RFFL: variants seen among roughly 807,000 people sequenced by gnomAD.
RFFL encodes E3 ubiquitin-protein ligase rififylin.
A neutral mutation model predicts 40.4 loss-of-function variants in RFFL; 16 were observed. The ratio of observed to expected loss-of-function variants is 0.40; its 90% CI spans 0.27 to 0.60. RFFL has a LOEUF of 0.60. RFFL is among the 20% of genes least tolerant of loss of function. RFFL has a pLI of 0.47. For synonymous variants in RFFL, 154 were observed against 167.9 expected, an observed-to-expected ratio of 0.92 and a Z score of 0.64; for missense variants, 367 against 451.7, an observed-to-expected ratio of 0.81 and a Z score of 1.70.
chr17:35,029,140 GAGGAACTTAGTTCCC>G (rs1430178253), intron 1 of RFFL, among the ~76,000 whole-genome samples: 3 of 151,990 alleles, frequency 2.0e-5, no homozygotes, highest in South Asian at 2.1e-4. Flanking sequence ...GTTCCCAGGA[GAGGAACTTAGTTCCC>G]AGGAACTTAA....
upstream of RFFL, among the ~76,000 whole-genome samples, chr17:35,064,892 T>C (rs777539574): frequency 4.6e-5 from 7 of 152,222 alleles, no homozygotes; most frequent in South Asian, 2.1e-4. Flanking sequence ...AAGTTATTTA[T>C]CCAACTCACT....
upstream of RFFL, among the ~76,000 whole-genome samples, chr17:35,064,596 T>C (rs941870111): frequency 6.6e-6 from 1 of 152,114 alleles, no homozygotes; most frequent in Non-Finnish European, 1.5e-5. Context: ...TGTGCTTTAA[T>C]TTGACAAGAG....
rs537968582 is a variant in RFFL at position 35,058,544 on chromosome 17, G to A, written c.-9+5032C>T. On this transcript the variant is annotated intron_variant, in intron 1 of 6. Coordinates refer to ENST00000394597, the MANE Select transcript of RFFL (RefSeq NM_001017368.2). ...TCCCAGCACTTTGGGAGGCCAAGGCGGGCAGATCATAAGGTCAGGAGTTCA... is the reference window on the plus strand; with the variant it reads ...TCCCAGCACTTTGGGAGGCCAAGGCAGGCAGATCATAAGGTCAGGAGTTCA... Among the ~76,000 whole-genome samples the A allele has an allele frequency of 4.7e-4, 71 of 152,226 alleles. 1 individual carries two copies. The highest frequency in any genetic ancestry group is 3.4e-3 in the Middle Eastern group (1 of 294).
intron 1 of RFFL, among the ~76,000 whole-genome samples, chr17:35,071,379 A>ACCC (rs1462756122): frequency 2.6e-5 from 4 of 152,036 alleles, no homozygotes; most frequent in African/African-American, 9.7e-5. Context: ...GCACTTTGGG[A>ACCC]GGACATCGTG....
intron 6 of RFFL, 125 bp downstream of exon 6, chr17:35,014,615 T>G: frequency 1.1e-6 from 1 of 906,036 alleles, no homozygotes; most frequent in Admixed American, 1.9e-5. Flanking sequence ...TCAGTGAGTT[T>G]CCCACACACC....
chr17:35,065,922 A>C (rs2091319033), upstream of RFFL, among the ~76,000 whole-genome samples: 1 of 152,188 alleles, frequency 6.6e-6, no homozygotes, highest in South Asian at 2.1e-4. Context: ...AGGCTATGGG[A>C]GAAATAATAA....
intron 1 of RFFL, among the ~76,000 whole-genome samples, chr17:35,034,440 G>A (rs2091106642): frequency 6.6e-6 from 1 of 151,954 alleles, no homozygotes; most frequent in Admixed American, 6.6e-5. Flanking sequence ...TTTCCTAAAA[G>A]GACTTTGCAC....
chr17:35,016,256 T>G, intron 5 of RFFL, 114 bp downstream of exon 5: 2 of 877,926 alleles, frequency 2.3e-6, no homozygotes, highest in Non-Finnish European at 3.7e-6. Context: ...ATATGTAAGG[T>G]GTCTCCTTCC....
chr17:35,063,473 A>C (rs2091305325), intron 1 of RFFL, 103 bp downstream of exon 1: 1 of 155,116 alleles, frequency 6.4e-6, no homozygotes, highest in South Asian at 2.0e-4. Context: ...AAAAAAAAAA[A>C]AAAAAAAAAA....
At chr17:35,032,153 G>T (rs991272304) in intron 1 of RFFL, among the ~76,000 whole-genome samples, 1 of 151,830 alleles carries the variant, frequency 6.6e-6, no homozygotes, top group Non-Finnish European at 1.5e-5. Flanking sequence ...CAGGGAGCAA[G>T]GCAGGGAGTA....
intron 1 of RFFL, chr17:35,088,847 G>C (rs904901156): frequency 6.6e-6 from 1 of 152,372 alleles, no homozygotes; most frequent in South Asian, 2.1e-4. Flanking sequence ...CACGTCTCCT[G>C]TTACTGCCCC....
At chr17:35,022,614 T>C (rs2091016453) in intron 2 of RFFL, among the ~76,000 whole-genome samples, 1 of 152,098 alleles carries the variant, frequency 6.6e-6, no homozygotes, top group Admixed American at 6.5e-5. Context: ...ATGCCCATGA[T>C]CACATTCTTT....
chr17:35,078,134 G>A (rs1256871015), intron 1 of RFFL, among the ~76,000 whole-genome samples: 2 of 152,082 alleles, frequency 1.3e-5, no homozygotes, highest in Admixed American at 1.3e-4. Flanking sequence ...ATTCTGTAGG[G>A]CTGGGCTAGG....
chr17:35,047,279 T>C (rs1325137520), intron 1 of RFFL, among the ~76,000 whole-genome samples: 2 of 152,150 alleles, frequency 1.3e-5, no homozygotes, highest in South Asian at 2.1e-4. Flanking sequence ...AGGAATTCTA[T>C]CTAGGCTCAA....
intron 1 of RFFL, among the ~76,000 whole-genome samples, chr17:35,060,151 C>T (rs2091282958): frequency 6.6e-6 from 1 of 152,210 alleles, no homozygotes; most frequent in Admixed American, 6.5e-5. Context: ...TCCACCAGGG[C>T]AGCAGGTTTT....
At chr17:35,021,889 C>T in intron 2 of RFFL, 108 bp from the exon 3 acceptor site, 2 of 1,087,620 alleles carry the variant, frequency 1.8e-6, no homozygotes, top group East Asian at 2.4e-5. Context: ...CCTCCAGTCA[C>T]TCTTACTTTT....
At chr17:35,032,418 A>C (rs1417385995) in intron 1 of RFFL, among the ~76,000 whole-genome samples, 4 of 152,010 alleles carry the variant, frequency 2.6e-5, no homozygotes, top group African/African-American at 9.7e-5. Flanking sequence ...TGATAGAATG[A>C]GCAGAATGAA....
At chr17:35,023,773 A>C (rs1248683640) in intron 2 of RFFL, among the ~76,000 whole-genome samples, 1 of 152,188 alleles carries the variant, frequency 6.6e-6, no homozygotes, top group East Asian at 1.9e-4. Context: ...TTCTTTCTTC[A>C]AATGTGTGTG....
chr17:35,056,330 A>G (rs1456679456), intron 1 of RFFL, among the ~76,000 whole-genome samples: 1 of 144,954 alleles, frequency 6.9e-6, no homozygotes, highest in Non-Finnish European at 1.5e-5. Context: ...TCTGTACTCC[A>G]TACTCTTCCT....
Sources: gnomAD v4.1 joint callset for allele counts (sites outside exome capture counted in the v4.1 genomes callset) on GRCh38, gnomAD v4.1.1 for gene constraint, MANE v1.5 for transcripts, NCBI Gene and HGNC (gene_info 2026-07-23, HGNC 2026-07-21) for gene names.